The following KCNT2 variants were observed in gnomAD, a reference collection of about 807,000 sequenced individuals.
The protein encoded by KCNT2 is potassium channel subfamily T member 2.
KCNT2 carries 67 observed loss-of-function variants against 153.8 expected under a neutral mutation model. That is an observed-to-expected ratio of 0.44 (90% CI 0.36 to 0.53). The LOEUF is 0.53. KCNT2 is among the 20% of genes least tolerant of loss of function. The pLI is 0.00. For synonymous variants in KCNT2, 500 were observed against 458.8 expected, an observed-to-expected ratio of 1.09 and a Z score of -1.15; for missense variants, 975 against 1,354.8, an observed-to-expected ratio of 0.72 and a Z score of 4.40.
chr1:196,250,981 C>T (rs980453527), intron 26 of KCNT2, among the ~76,000 whole-genome samples: 12 of 151,874 alleles, frequency 7.9e-5, no homozygotes, highest in Non-Finnish European at 1.0e-4. Flanking sequence ...CAAATCCTGA[C>T]GAGGATATGG....
intron 25 of KCNT2, among the ~76,000 whole-genome samples, chr1:196,274,224 ATTC>A (rs1658344208): frequency 6.6e-6 from 1 of 151,650 alleles, no homozygotes; most frequent in Non-Finnish European, 1.5e-5. Context: ...ATGCTGTCTT[ATTC>A]TTCAAATTTA....
intron 1 of KCNT2, among the ~76,000 whole-genome samples, chr1:196,540,995 G>A (rs1656282264): frequency 6.6e-6 from 1 of 152,058 alleles, no homozygotes. Flanking sequence ...GAACCCGGGA[G>A]GTGGAGGTTG....
At chr1:196,479,035 T>G (rs2148696927) in intron 5 of KCNT2, 144 bp downstream of exon 5, 1 of 621,256 alleles carries the variant, frequency 1.6e-6, no homozygotes, top group African/African-American at 1.9e-5. Context: ...ATACAGCTTT[T>G]TATCAGCTAC....
At chr1:196,330,538 T>C (rs1664357175) in intron 18 of KCNT2, among the ~76,000 whole-genome samples, 1 of 151,952 alleles carries the variant, frequency 6.6e-6, no homozygotes, top group Middle Eastern at 3.2e-3. Context: ...TTCTTCCTTT[T>C]ATCAGTTTTG....
At chr1:196,565,110 A>G (rs1412426798) in intron 1 of KCNT2, among the ~76,000 whole-genome samples, 1 of 151,734 alleles carries the variant, frequency 6.6e-6, no homozygotes, top group Non-Finnish European at 1.5e-5. Context: ...AAAAAAAACA[A>G]ATCAATAGCA....
Position 196,280,849 on chromosome 1 carries a change from T to G in KCNT2, c.2910+11A>C, listed in dbSNP as rs1471176781. On this transcript the variant is annotated intron_variant, in intron 25 of 27. Coordinates refer to ENST00000294725, the MANE Select transcript of KCNT2 (RefSeq NM_198503.5). ...AAACATCAAAACAAGAATATTTTGT[T>G]ATTTCCAAACCTCAGATGTAGTAAG... 6.2e-7 allele frequency: 1 copy of G among 1,609,742 alleles called. No homozygotes were observed. The highest frequency in any genetic ancestry group is 8.5e-7 in the Non-Finnish European group (1 of 1,176,588).
chr1:196,561,097 A>G (rs1402833723), intron 1 of KCNT2, among the ~76,000 whole-genome samples: 2 of 151,840 alleles, frequency 1.3e-5, no homozygotes, highest in South Asian at 2.1e-4. Context: ...CAAAATTACT[A>G]AAAGAGTAGT....
At chr1:196,475,948 T>A (rs1678496012) in intron 5 of KCNT2, among the ~76,000 whole-genome samples, 1 of 152,204 alleles carries the variant, frequency 6.6e-6, no homozygotes, top group Non-Finnish European at 1.5e-5. Flanking sequence ...TTATATATCA[T>A]CTAGCTCTGC....
intron 22 of KCNT2, among the ~76,000 whole-genome samples, chr1:196,289,999 C>A (rs567038251): frequency 2.6e-5 from 4 of 151,994 alleles, no homozygotes; most frequent in South Asian, 2.1e-4. Context: ...GTGTTTCTGG[C>A]AGAAATTTTG....
intron 2 of KCNT2, among the ~76,000 whole-genome samples, chr1:196,491,053 A>G (rs993267992): frequency 3.3e-5 from 5 of 152,050 alleles, no homozygotes; most frequent in African/African-American, 1.2e-4. Context: ...AATCTTTCAA[A>G]TTATTAAAGA....
chr1:196,413,251 G>T (rs1037668828), intron 12 of KCNT2, among the ~76,000 whole-genome samples: 9 of 151,506 alleles, frequency 5.9e-5, no homozygotes, highest in African/African-American at 1.7e-4. Context: ...GGACTAAACT[G>T]GGTAAAATTT....
intron 11 of KCNT2, among the ~76,000 whole-genome samples, chr1:196,424,336 T>C (rs1388553294): frequency 6.6e-6 from 1 of 152,006 alleles, no homozygotes; most frequent in Non-Finnish European, 1.5e-5. Context: ...AATATGAATG[T>C]TATTCATGTT....
At chr1:196,384,310 A>AT (rs1468204174) in intron 13 of KCNT2, among the ~76,000 whole-genome samples, 1 of 152,166 alleles carries the variant, frequency 6.6e-6, no homozygotes, top group Non-Finnish European at 1.5e-5. Flanking sequence ...AGAAATGTGC[A>AT]TTTATGTGAG....
At chr1:196,552,480 G>C (rs1162097068) in intron 1 of KCNT2, among the ~76,000 whole-genome samples, 1 of 151,466 alleles carries the variant, frequency 6.6e-6, no homozygotes, top group African/African-American at 2.4e-5. Context: ...AAAGCTGAGG[G>C]ATTTCATTAA....
chr1:196,329,389 C>T (rs1271045621), intron 18 of KCNT2, among the ~76,000 whole-genome samples: 1 of 151,998 alleles, frequency 6.6e-6, no homozygotes, highest in Non-Finnish European at 1.5e-5. Context: ...GTTAATAGTC[C>T]TTTGATATTA....
intron 22 of KCNT2, among the ~76,000 whole-genome samples, chr1:196,291,196 G>C (rs1242806124): frequency 6.6e-6 from 1 of 151,854 alleles, no homozygotes; most frequent in Non-Finnish European, 1.5e-5. Flanking sequence ...CATCTCTGCA[G>C]GTCCTCCTCA....
At chr1:196,516,725 T>C (rs1682087809) in intron 1 of KCNT2, among the ~76,000 whole-genome samples, 1 of 152,100 alleles carries the variant, frequency 6.6e-6, no homozygotes, top group Admixed American at 6.5e-5. Context: ...GTCAGTGTGT[T>C]CGGGCTGGCA....
intron 3 of KCNT2, among the ~76,000 whole-genome samples, chr1:196,486,591 T>C (rs992511287): frequency 6.6e-6 from 1 of 151,432 alleles, no homozygotes; most frequent in African/African-American, 2.4e-5. Context: ...AGTCAGGAGG[T>C]GAATACATTT....
At chr1:196,468,910 A>G (rs1208806964) in intron 6 of KCNT2, 84 bp downstream of exon 6, 2 of 776,190 alleles carry the variant, frequency 2.6e-6, no homozygotes, top group Non-Finnish European at 4.3e-6. Context: ...CTTAGCTACC[A>G]TATTATTTAA....
Sources: allele counts gnomAD v4.1 joint callset (sites outside exome capture counted in the v4.1 genomes callset), GRCh38; gene constraint gnomAD v4.1.1; transcripts MANE v1.5; gene names NCBI Gene and HGNC (gene_info 2026-07-23, HGNC 2026-07-21).